Variants in VAV1 observed in about 807,000 individuals in gnomAD.
VAV1 encodes vav guanine nucleotide exchange factor 1.
In VAV1, 33 loss-of-function variants were observed where a neutral mutation model predicts 128.1. The ratio of observed to expected loss-of-function variants is 0.26; its 90% CI spans 0.20 to 0.34. The LOEUF is 0.34. VAV1 is among the 10% of genes least tolerant of loss of function. The pLI, the probability that VAV1 is intolerant of heterozygous loss-of-function variation, is 1.00. For missense variants in VAV1, 715 were observed against 1,093.7 expected (o/e 0.65, Z 4.88); for synonymous variants, 394 against 409.8 (o/e 0.96, Z 0.47).
In VAV1 at chr19:6,772,966, T is replaced by C; in HGVS notation, c.159T>C (p.His53=). 1 of 1,614,052 alleles carries C rather than the reference T, an allele frequency of 6.2e-7. No individual in the cohort carries two copies. The highest frequency in any genetic ancestry group is 1.1e-5 in the South Asian group (1 of 91,086). The part of the protein sequence containing the change: ...LCQLLNNLLP[H]AINLREVNLR... ...AGCTGCTTAACAACCTGCTACCCCA[T>C]GCCATCAACCTGCGTGAGGTCAACC... Residue 53 remains histidine, a synonymous_variant, in exon 1 of 27, where the codon CAT becomes CAC. Transcript: ENST00000602142. This position sits in a 1 kb window ranked among gnomAD's most constrained non-coding sequence, Gnocchi z 4.8.
chr19:6,837,174 C>T, intron 21 of VAV1, 124 bp downstream of exon 21: 1 of 989,614 alleles, frequency 1.0e-6, no homozygotes, highest in East Asian at 2.5e-5. Context: ...GCAGGTCTTT[C>T]TCTAACTCAA....
At chr19:6,784,174 A>G (rs1970832999) in intron 1 of VAV1, 2 of 584,110 alleles carry the variant, frequency 3.4e-6, no homozygotes, top group African/African-American at 1.8e-5. Context: ...GGATCGCTTG[A>G]GCCCAGGAGT....
In VAV1 at chr19:6,821,641, C is replaced by T. The variant is rs755333060; in HGVS notation, c.341C>T (p.Ala114Val). Residue 114 changes from alanine (A) to valine (V), a missense_variant, in exon 3 of 27, where the codon GCT (alanine) becomes GTT (valine). Physicochemically the swap from Ala to Val is moderately conservative, Grantham distance 64. This residue lies in a region of VAV1 where 302 missense variants were observed against 477.8 expected (regional missense o/e 0.63). Coordinates refer to ENST00000602142, the MANE Select transcript of VAV1 (RefSeq NM_005428.4). Reference protein sequence around the residue: ...DFGKVIYTLSALSWTPIAQNR... With the variant: ...DFGKVIYTLSVLSWTPIAQNR... ...TCACAGGTCATCTACACCCTGTCTG[C>T]TCTGTCCTGGACCCCGATCGCCCAG... is the stretch of plus-strand genomic sequence containing the variant. 6.2e-7 allele frequency: 1 copy of T among 1,614,188 alleles called. No homozygotes were observed. The highest frequency in any genetic ancestry group is 8.5e-7 in the Non-Finnish European group (1 of 1,180,022).
chr19:6,779,973 T>TGGTTGCGGGCGC (rs1555697874), intron 1 of VAV1, among the ~76,000 whole-genome samples: 2 of 148,798 alleles, frequency 1.3e-5, no homozygotes, highest in Non-Finnish European at 3.0e-5. Context: ...TAGCCGGGCG[T>TGGTTGCGGGCGC]GGTTGCGGGC....
intron 21 of VAV1, among the ~76,000 whole-genome samples, chr19:6,837,775 G>A (rs1972257277): frequency 6.6e-6 from 1 of 152,090 alleles, no homozygotes. Flanking sequence ...TCCTGGAAGA[G>A]TTAAAAGTGA....
intron 19 of VAV1, among the ~76,000 whole-genome samples, chr19:6,835,600 C>T (rs1311512256): frequency 6.6e-6 from 1 of 152,134 alleles, no homozygotes; most frequent in Non-Finnish European, 1.5e-5. Context: ...ATTTTGCCTG[C>T]TCTTGAGTTT....
intron 1 of VAV1, among the ~76,000 whole-genome samples, chr19:6,781,251 A>T (rs1311554487): frequency 6.6e-6 from 1 of 152,206 alleles, no homozygotes; most frequent in Non-Finnish European, 1.5e-5. Flanking sequence ...TTATTTTGTC[A>T]ACCGAAGTGC....
In VAV1 at chr19:6,821,860, G is replaced by A. The variant is rs775051551; in HGVS notation, c.449+1G>A. 1 of 1,614,158 alleles carries A rather than the reference G, an allele frequency of 6.2e-7. No homozygotes were observed. Among genetic ancestry groups the A allele is most frequent in the Non-Finnish European group, 8.5e-7 (1 of 1,180,006 alleles). The stretch of plus-strand genomic sequence containing the variant: ...ACAGTGGCCTGTCCGACCAGATCGA[G>A]TGAGTGCTCAGGCCTGTGGCCGCAC... On this transcript the variant is annotated splice_donor_variant, in intron 4 of 26. Transcript: ENST00000602142. LOFTEE classifies it high-confidence loss of function.
chr19:6,782,719 A>AATAT (rs148255206), intron 1 of VAV1, among the ~76,000 whole-genome samples: 1 of 151,218 alleles, frequency 6.6e-6, no homozygotes, highest in Non-Finnish European at 1.5e-5. Flanking sequence ...ATCTCTACAA[A>AATAT]ATATATATAT....
At position 6,854,023 on chromosome 19, in the gene VAV1, C is replaced by G. The variant is rs1425017416; in HGVS notation, c.2409C>G (p.Leu803=). The change falls in exon 26 of 27, where the codon CTC becomes CTG. Residue 803 remains leucine (L), a synonymous_variant. Transcript: ENST00000602142. ...CCCGAGACCGATCAGAGCTGTCGCT[C>G]AAGGAGGGTGACATCATCAAGATCC... ...FCARDRSELS[L]KEGDIIKILN... is the part of the protein sequence containing the mutation. The G allele has an allele frequency of 4.3e-6, 7 of 1,613,812 alleles. No homozygotes were observed. The African/African-American group carries it at 9.3e-5, about 22-fold the overall frequency.
intron 1 of VAV1, among the ~76,000 whole-genome samples, chr19:6,813,678 A>C (rs1971559973): frequency 6.6e-6 from 1 of 152,128 alleles, no homozygotes; most frequent in Non-Finnish European, 1.5e-5. Context: ...TGTCAAGTTC[A>C]ATGAAAAGCC....
chr19:6,838,572 G>A (rs1055086731), intron 21 of VAV1, among the ~76,000 whole-genome samples: 42 of 151,700 alleles, frequency 2.8e-4, no homozygotes, highest in African/African-American at 9.4e-4. Context: ...TTCACCTACC[G>A]ATCTAACCAT....
chr19:6,831,048 C>T (rs1248769277), intron 14 of VAV1, among the ~76,000 whole-genome samples: 5 of 152,056 alleles, frequency 3.3e-5, no homozygotes, highest in African/African-American at 1.2e-4. Flanking sequence ...GCTATGATTG[C>T]ACTACAGCTA....
intron 1 of VAV1, among the ~76,000 whole-genome samples, chr19:6,773,905 A>G (rs1970559482): frequency 6.6e-6 from 1 of 151,760 alleles, no homozygotes; most frequent in Non-Finnish European, 1.5e-5. Flanking sequence ...CTCCTCTGGG[A>G]TGAAAGGAGA....
At chr19:6,851,932 C>A (rs1972681215) in intron 24 of VAV1, among the ~76,000 whole-genome samples, 1 of 152,030 alleles carries the variant, frequency 6.6e-6, no homozygotes, top group Admixed American at 6.6e-5. Flanking sequence ...AAACATATTC[C>A]CCCAATTTTT....
At chr19:6,838,203 C>T (rs1195977284) in intron 21 of VAV1, among the ~76,000 whole-genome samples, 1 of 64,264 alleles carries the variant, frequency 1.6e-5, no homozygotes, top group African/African-American at 4.4e-5. Context: ...TATCACCTAT[C>T]TACCCATCTA....
At chr19:6,808,847 C>T (rs1971453725) in intron 1 of VAV1, among the ~76,000 whole-genome samples, 1 of 149,718 alleles carries the variant, frequency 6.7e-6, no homozygotes, top group South Asian at 2.1e-4. Context: ...TCTAGGAGGG[C>T]CTCATTCACA....
At chr19:6,783,538 G>A (rs997224861) in intron 1 of VAV1, among the ~76,000 whole-genome samples, 3 of 149,088 alleles carry the variant, frequency 2.0e-5, no homozygotes, top group Non-Finnish European at 3.0e-5. Context: ...GCAATGGCGC[G>A]ATCTCTGTTC....
At chr19:6,814,671 C>CCTTTCTTT (rs71177121) in intron 1 of VAV1, among the ~76,000 whole-genome samples, 1,508 of 25,744 alleles carry the variant, frequency 0.059, 163 homozygotes, top group Non-Finnish European at 0.073. Context: ...TTCCTTCCTT[C>CCTTTCTTT]CTTTCTTTCT....
Sources: gnomAD v4.1 joint callset for allele counts (sites outside exome capture counted in the v4.1 genomes callset) on GRCh38, gnomAD v4.1.1 for gene constraint, gnomAD v4.1.1 regional missense constraint, Gnocchi (gnomAD v3.1) non-coding constraint, MANE v1.5 for transcripts, NCBI Gene and HGNC (gene_info 2026-07-23, HGNC 2026-07-21) for gene names.